LRP12: variants seen among roughly 807,000 people sequenced by gnomAD.
LRP12 encodes LDL receptor related protein 12.
A neutral mutation model predicts 66.0 loss-of-function variants in LRP12; 14 were observed. That is an observed-to-expected ratio of 0.21 (90% CI 0.14 to 0.33). LRP12 has a LOEUF of 0.33. LRP12 is among the 10% of genes least tolerant of loss of function. The pLI is 1.00. For synonymous variants in LRP12, 357 were observed against 359.1 expected (o/e 0.99, Z 0.07); for missense variants, 889 against 1,053.4 (o/e 0.84, Z 2.16).
At chr8:104,573,518 G>C (rs1239288328) in intron 1 of LRP12, among the ~76,000 whole-genome samples, 1 of 152,016 alleles carries the variant, frequency 6.6e-6, no homozygotes, top group Non-Finnish European at 1.5e-5. Context: ...CTTCTTACAG[G>C]CTCATCTGTA....
intron 3 of LRP12, chr8:104,504,188 A>G (rs1363720842): frequency 6.6e-6 from 1 of 151,822 alleles, no homozygotes; most frequent in African/African-American, 2.4e-5. Flanking sequence ...ATATTCTCTT[A>G]TGACATTAAA....
chr8:104,548,698 C>T (rs1016376219), intron 1 of LRP12, among the ~76,000 whole-genome samples: 1 of 100,408 alleles, frequency 1.0e-5, no homozygotes, highest in Non-Finnish European at 2.1e-5. Flanking sequence ...CGCCTGTAAT[C>T]CCAGTACTTT....
chr8:104,569,114 CTA>C (rs1452460676), intron 1 of LRP12, among the ~76,000 whole-genome samples: 1 of 152,084 alleles, frequency 6.6e-6, no homozygotes, highest in Admixed American at 6.5e-5. Flanking sequence ...TACAGTCATG[CTA>C]TGACATGAAT....
intron 2 of LRP12, among the ~76,000 whole-genome samples, chr8:104,528,364 T>A (rs1229337665): frequency 6.6e-6 from 1 of 152,172 alleles, no homozygotes; most frequent in Admixed American, 6.6e-5. Context: ...TTCCAAAGGC[T>A]ACCTCTCTAT....
At chr8:104,542,017 G>A (rs1445376579) in intron 1 of LRP12, among the ~76,000 whole-genome samples, 1 of 152,142 alleles carries the variant, frequency 6.6e-6, no homozygotes, top group Non-Finnish European at 1.5e-5. Context: ...TATGTAGAGA[G>A]AGTGGAACTG....
At chr8:104,500,340 A>T (rs112021751) in intron 3 of LRP12, among the ~76,000 whole-genome samples, 3,639 of 152,288 alleles carry the variant, frequency 0.024, 107 homozygotes, top group African/African-American at 0.065. Context: ...TTCTTCTTCA[A>T]ATATTCTGAA....
At position 104,491,016 on chromosome 8, in the gene LRP12, C is replaced by A. The variant is rs765033183; in HGVS notation, c.2237G>T (p.Arg746Leu). The A allele has an allele frequency of 6.2e-7, 1 of 1,614,100 alleles. No homozygotes were observed. Among genetic ancestry groups the A allele is most frequent in the South Asian group, 1.1e-5 (1 of 91,078 alleles). Residue 746 changes from arginine to leucine, a missense_variant, in exon 7 of 7, where the codon CGA (arginine) becomes CTA (leucine). By Grantham distance (102) the Arg-to-Leu change is moderately radical (BLOSUM62 -2). Coordinates refer to ENST00000276654, the MANE Select transcript of LRP12 (RefSeq NM_013437.5). ...GLRWVRFTLG[R>L]SSSLSQNQSP... ...CTGGTTCTGACTTAGGGAACTTGATCGTCCTAATGTAAAACGTACCCAGCG... is the reference window on the plus strand; with the variant it reads ...CTGGTTCTGACTTAGGGAACTTGATAGTCCTAATGTAAAACGTACCCAGCG...
intron 6 of LRP12, among the ~76,000 whole-genome samples, chr8:104,493,097 C>G (rs184458937): frequency 6.6e-6 from 1 of 152,164 alleles, no homozygotes. Flanking sequence ...GTGAAACTCT[C>G]TATTTAGTTA....
chr8:104,583,996 T>C (rs989656526), intron 1 of LRP12, among the ~76,000 whole-genome samples: 1 of 152,058 alleles, frequency 6.6e-6, no homozygotes, highest in African/African-American at 2.4e-5. Flanking sequence ...AATATATTTA[T>C]ATATACTTAA....
rs144473939 is a variant in LRP12, at chr8:104,565,390, C to T, written c.79+23429G>A. On this transcript the variant is annotated intron_variant, in intron 1 of 6. Transcript: ENST00000276654. ...AGGAAATTACAAGCTTCTAAGAGGA[C>T]AACTCTTTGGTATGAGAACCAAAAT... Among the ~76,000 whole-genome samples, 590 of 152,216 alleles carry T rather than the reference C, an allele frequency of 3.9e-3. 4 individuals are homozygous for T. Among genetic ancestry groups the T allele is most frequent in the African/African-American group, 0.013 (544 of 41,526 alleles).
At chr8:104,543,863 A>G (rs1811514726) in intron 1 of LRP12, among the ~76,000 whole-genome samples, 1 of 152,116 alleles carries the variant, frequency 6.6e-6, no homozygotes, top group Non-Finnish European at 1.5e-5. Flanking sequence ...CGGAGGTTGC[A>G]GTGAGCCGAG....
intron 1 of LRP12, among the ~76,000 whole-genome samples, chr8:104,548,634 A>ATAATTAAATTAATTATATAATTATTATC: frequency 7.0e-6 from 1 of 143,802 alleles, no homozygotes; most frequent in Non-Finnish European, 1.5e-5. Flanking sequence ...TAATTATTAT[A>ATAATTAAATTAATTATATAATTATTATC]TAATTAAATT....
At chr8:104,547,775 T>A (rs1177435738) in intron 1 of LRP12, among the ~76,000 whole-genome samples, 1 of 129,764 alleles carries the variant, frequency 7.7e-6, no homozygotes, top group Non-Finnish European at 1.6e-5. Flanking sequence ...CTATATTATA[T>A]TTTGTATATA....
At chr8:104,553,395 G>A (rs1437252132) in intron 1 of LRP12, among the ~76,000 whole-genome samples, 1 of 152,158 alleles carries the variant, frequency 6.6e-6, no homozygotes, top group African/African-American at 2.4e-5. Flanking sequence ...ACTTGGTGCT[G>A]TTGGAGAAGC....
intron 1 of LRP12, among the ~76,000 whole-genome samples, chr8:104,573,968 T>C (rs1459809304): frequency 1.3e-5 from 2 of 152,180 alleles, no homozygotes; most frequent in South Asian, 2.1e-4. Flanking sequence ...CAAGGTGGTA[T>C]GCCCTATGAA....
intron 2 of LRP12, 72 bp downstream of exon 2, chr8:104,531,835 G>C: frequency 1.0e-6 from 1 of 954,956 alleles, no homozygotes; most frequent in South Asian, 1.5e-5. Flanking sequence ...CACTTCGTAA[G>C]ATACCAGGTG....
At chr8:104,550,167 C>A (rs563790397) in intron 1 of LRP12, among the ~76,000 whole-genome samples, 1 of 152,108 alleles carries the variant, frequency 6.6e-6, no homozygotes, top group East Asian at 1.9e-4. Flanking sequence ...CTTACAGCAC[C>A]CCTCTAAAAT....
chr8:104,491,406 C>G lies in LRP12; in HGVS notation c.1847G>C (p.Gly616Ala). 6.2e-7 allele frequency: 1 copy of G among 1,614,022 alleles called. No homozygotes were observed. The highest frequency in any genetic ancestry group is 1.1e-5 in the South Asian group (1 of 91,072). ...IFNFARSRHS[G>A]SLALVSADGD... ...ATCTGCTGAGACCAAAGCCAATGAC[C>G]CAGAATGACGTGATCTTGCAAAATT... The change falls in exon 7 of 7, where the codon GGG becomes GCG. Residue 616 changes from glycine to alanine, a missense_variant. Physicochemically the swap from Gly to Ala is moderately conservative, Grantham distance 60. Transcript: ENST00000276654.
intron 1 of LRP12, among the ~76,000 whole-genome samples, chr8:104,553,049 G>A (rs1811751895): frequency 6.6e-6 from 1 of 152,174 alleles, no homozygotes; most frequent in Non-Finnish European, 1.5e-5. Flanking sequence ...AGGGGTACAG[G>A]AAGCAGTGGG....
Sources: gnomAD v4.1 joint callset for allele counts (sites outside exome capture counted in the v4.1 genomes callset) on GRCh38, gnomAD v4.1.1 for gene constraint, MANE v1.5 for transcripts, NCBI Gene and HGNC (gene_info 2026-07-23, HGNC 2026-07-21) for gene names.